The following CDKN2C variants were observed in gnomAD, a reference collection of about 807,000 sequenced individuals.
The protein encoded by CDKN2C is cyclin-dependent kinase 4 inhibitor C.
In CDKN2C, 5 loss-of-function variants were observed where a neutral mutation model predicts 11.0. That is an observed-to-expected ratio of 0.45 (90% confidence interval 0.24 to 0.95). The LOEUF (loss-of-function observed/expected upper bound fraction) is 0.95, where lower values mean the gene tolerates loss of function less well. Among genes scored for constraint, CDKN2C ranks in the 40% least tolerant of loss-of-function variants. The probability of loss-of-function intolerance (pLI) is 0.21; values close to 1 mark genes in which losing one functional copy is unlikely to be tolerated. For synonymous variants in CDKN2C, 79 were observed against 88.3 expected (o/e 0.89, Z 0.59); for missense variants, 161 against 211.9 (o/e 0.76, Z 1.49).
upstream of CDKN2C, among the ~76,000 whole-genome samples, chr1:50,966,874 T>C (rs1645349306): frequency 2.0e-5 from 3 of 152,348 alleles, no homozygotes; most frequent in South Asian, 4.1e-4. Context: ...TTTCTTTTTA[T>C]TTCTATATAA....
chr1:50,963,470 C>G (rs536456688), intron 1 of CDKN2C, among the ~76,000 whole-genome samples: 1 of 152,314 alleles, frequency 6.6e-6, no homozygotes, highest in East Asian at 1.9e-4. Flanking sequence ...TAAAGCTGCT[C>G]TGGCAAGTTA....
At chr1:50,962,741 A>G (rs78181360) in intron 1 of CDKN2C, among the ~76,000 whole-genome samples, 5,240 of 152,348 alleles carry the variant, frequency 0.034, 136 homozygotes, top group Non-Finnish European at 0.053. Context: ...ATATATTAGT[A>G]CTGCTTTTCC....
At chr1:50,972,220 A>G (rs1228438206) in intron 1 of CDKN2C, among the ~76,000 whole-genome samples, 1 of 152,108 alleles carries the variant, frequency 6.6e-6, no homozygotes, top group African/African-American at 2.4e-5. Context: ...AAATATGACT[A>G]AATCTTTAGG....
intron 1 of CDKN2C, among the ~76,000 whole-genome samples, chr1:50,964,592 G>A (rs900892564): frequency 1.2e-4 from 19 of 152,166 alleles, no homozygotes; most frequent in South Asian, 2.1e-4. Context: ...TACTAGTGGC[G>A]GACCCTGGAC....
At chr1:50,964,439 T>C (rs2124775482) in intron 1 of CDKN2C, among the ~76,000 whole-genome samples, 1 of 152,284 alleles carries the variant, frequency 6.6e-6, no homozygotes, top group Middle Eastern at 3.4e-3. Context: ...TCAACTTGAG[T>C]TATTACTGGT....
chr1:50,966,754 A>C (rs1303042137), upstream of CDKN2C, among the ~76,000 whole-genome samples: 3 of 148,146 alleles, frequency 2.0e-5, no homozygotes, highest in Admixed American at 2.0e-4. Flanking sequence ...AAAAAAAAAA[A>C]CCTTTGCCAA....
chr1:50,961,762 T>C (rs542299854), intron 1 of CDKN2C, among the ~76,000 whole-genome samples: 106 of 152,350 alleles, frequency 7.0e-4, no homozygotes, highest in Non-Finnish European at 1.2e-3. Context: ...CCAACTCCTG[T>C]GCTCAAGCCA....
intron 1 of CDKN2C, among the ~76,000 whole-genome samples, chr1:50,971,925 CTG>C (rs1404277686): frequency 6.6e-6 from 1 of 152,130 alleles, no homozygotes; most frequent in Non-Finnish European, 1.5e-5. Context: ...CACACAGAAA[CTG>C]GAGTTTCAAG....
intron 1 of CDKN2C, among the ~76,000 whole-genome samples, chr1:50,961,839 G>A (rs2124774488): frequency 6.6e-6 from 1 of 152,292 alleles, no homozygotes; most frequent in South Asian, 2.1e-4. Context: ...ACCCAGCAAG[G>A]CCTAGGCTCC....
intron 1 of CDKN2C, among the ~76,000 whole-genome samples, chr1:50,971,271 G>C (rs991277278): frequency 7.2e-5 from 11 of 152,166 alleles, no homozygotes; most frequent in Non-Finnish European, 1.6e-4. Context: ...CTTAGAAACA[G>C]AAAAATGACA....
At chr1:50,971,629 A>G (rs1645380917) in intron 1 of CDKN2C, among the ~76,000 whole-genome samples, 1 of 152,124 alleles carries the variant, frequency 6.6e-6, no homozygotes, top group Non-Finnish European at 1.5e-5. Flanking sequence ...GAACAGGTTT[A>G]GTGATGATAG....
At chr1:50,972,497 T>G (rs1055958635) in intron 1 of CDKN2C, among the ~76,000 whole-genome samples, 3 of 152,096 alleles carry the variant, frequency 2.0e-5, no homozygotes, top group Non-Finnish European at 4.4e-5. Flanking sequence ...CTTTGTATTT[T>G]CCATTAGCAT....
At chr1:50,962,174 A>G (rs1247616651) in intron 1 of CDKN2C, among the ~76,000 whole-genome samples, 1 of 152,242 alleles carries the variant, frequency 6.6e-6, no homozygotes, top group East Asian at 1.9e-4. Flanking sequence ...TGAGGTCAGG[A>G]GTTCAAGACC....
intron 1 of CDKN2C, among the ~76,000 whole-genome samples, chr1:50,964,865 C>G (rs543611835): frequency 6.6e-6 from 1 of 151,960 alleles, no homozygotes; most frequent in South Asian, 2.1e-4. Context: ...ACCAGCCTGA[C>G]CAACATGGTG....
In CDKN2C at chr1:50,970,463, A is replaced by G. The variant is rs781499255; in HGVS notation, c.95A>G (p.Asn32Ser). The G allele has an allele frequency of 9.3e-6, 15 of 1,614,102 alleles. No homozygotes were observed. Among genetic ancestry groups the G allele is most frequent in the East Asian group, 2.2e-5 (1 of 44,900 alleles). The change falls in exon 1 of 2, where the codon AAT becomes AGT. Residue 32 changes from asparagine (N) to serine (S), a missense_variant. Asn to Ser is a conservative substitution (Grantham distance 46). Transcript: ENST00000371761. The part of the protein sequence containing the change: ...TSLLQNNVNV[N>S]AQNGFGRTAL... ...TTGTTGCAAAATAATGTAAACGTCA[A>G]TGCACAAAATGGATTTGGAAGGACT...
chr1:50,974,159 T>A lies in CDKN2C; in HGVS notation c.396T>A (p.His132Gln). The change falls in exon 2 of 2, where the codon CAT becomes CAA. Residue 132 changes from histidine (H) to glutamine (Q), a missense_variant. Transcript: ENST00000371761. Reference protein sequence around the residue: ...LVKHTASNVGHRNHKGDTACD... With the variant: ...LVKHTASNVGQRNHKGDTACD... ...AGCACACGGCCAGCAATGTGGGGCATCGGAACCATAAGGGGGACACCGCCT... is the reference window on the plus strand; with the variant it reads ...AGCACACGGCCAGCAATGTGGGGCAACGGAACCATAAGGGGGACACCGCCT... The A allele has an allele frequency of 6.2e-7, 1 of 1,614,054 alleles. No homozygotes were observed.
chr1:50,974,445 CT>C lies in CDKN2C; in HGVS notation c.*180del. The stretch of plus-strand genomic sequence containing the variant: ...GCTTATGAATATATTTAAGCAACAT[CT>C]TTTTAACCTGCAAAATCTGTTCTAA... On this transcript the variant is annotated 3_prime_UTR_variant, in exon 2 of 2. Transcript: ENST00000371761. The C allele has an allele frequency of 1.9e-6, 1 of 532,672 alleles. No individual in the cohort carries two copies. The highest frequency in any genetic ancestry group is 3.1e-6 in the Non-Finnish European group (1 of 324,634). 33.0% of individuals were successfully genotyped at this position (532,672 alleles called of 1,614,324 possible).
At position 50,974,049 on chromosome 1, in the gene CDKN2C, G is replaced by GT; in HGVS notation, c.288dup (p.Asn97Ter). 1 of 1,614,220 alleles carries GT rather than the reference G, an allele frequency of 6.2e-7. No individual in the cohort carries two copies. Among genetic ancestry groups the GT allele is most frequent in the East Asian group, 2.2e-5 (1 of 44,886 alleles). On this transcript the variant is annotated frameshift_variant, in exon 2 of 2. Coordinates refer to ENST00000371761, the MANE Select transcript of CDKN2C (RefSeq NM_078626.3). LOFTEE classifies it high-confidence loss of function. ...GACTTTGCTGGAGTTTCAAGCTGAT[G>GT]TTAACATCGAGGATAATGAAGGGAA...
upstream of CDKN2C, among the ~76,000 whole-genome samples, chr1:50,967,213 A>G (rs560260676): frequency 6.3e-4 from 96 of 152,368 alleles, no homozygotes; most frequent in Non-Finnish European, 1.1e-3. Flanking sequence ...AAGATTACAC[A>G]GTTCCCAGAA....
Sources: gnomAD v4.1 joint callset for allele counts (sites outside exome capture counted in the v4.1 genomes callset) on GRCh38, gnomAD v4.1.1 for gene constraint, MANE v1.5 for transcripts, NCBI Gene and HGNC (gene_info 2026-07-23, HGNC 2026-07-21) for gene names.